HMOX1: variants seen among roughly 807,000 people sequenced by gnomAD.
The protein encoded by HMOX1 is heat shock protein, 32-kD.
In HMOX1, 22 loss-of-function variants were observed where a neutral mutation model predicts 27.8. The observed-to-expected ratio is 0.79, with a 90% confidence interval of 0.57 to 1.13. The LOEUF is 1.13. HMOX1 is among the 50% of genes most tolerant of loss of function. The pLI is 0.00. For missense variants in HMOX1, 379 were observed against 377.7 expected (o/e 1.00, Z -0.03); for synonymous variants, 153 against 151.6 (o/e 1.01, Z -0.07).
chr22:35,389,938 C>G lies in HMOX1; in HGVS notation c.711C>G (p.Arg237=), dbSNP rs768805052. ...DQSPSRAPGL[R]QRASNKVQDS... ...GCCCCTCACGGGCACCAGGGCTTCG[C>G]CAGCGGGCCAGCAACAAAGTGCAAG... Residue 237 remains arginine (R), a synonymous_variant, in exon 4 of 5, where the codon CGC becomes CGG. Coordinates refer to ENST00000216117, the MANE Select transcript of HMOX1 (RefSeq NM_002133.3). The G allele has an allele frequency of 4.4e-5, 71 of 1,611,370 alleles. No individual in the cohort carries two copies. The highest frequency in any genetic ancestry group is 6.0e-5 in the Non-Finnish European group (71 of 1,179,582).
intron 3 of HMOX1, among the ~76,000 whole-genome samples, chr22:35,389,395 C>CTTTCTTTCTTTCTTT (rs1555901605): frequency 6.2e-4 from 32 of 51,804 alleles, no homozygotes; most frequent in East Asian, 2.8e-3. Context: ...TTCCTTCCTT[C>CTTTCTTTCTTTCTTT]CTTTCTTTCT....
rs769661460 is a variant in HMOX1 at position 35,381,167 on chromosome 22, C to T, written c.-7C>T. On this transcript the variant is annotated 5_prime_UTR_variant, in exon 1 of 5. Transcript: ENST00000216117. ...GAGCCAGCACGAACGAGCCCAGCAC[C>T]GGCCGGATGGAGCGTCCGCAACCCG... The T allele has an allele frequency of 3.2e-5, 49 of 1,542,704 alleles. No homozygotes were observed. In the South Asian group the frequency reaches 5.2e-4, roughly 16 times the overall value.
rs1278870084 is a variant in HMOX1, at chr22:35,393,926, G to A, written c.*328G>A. The A allele has an allele frequency of 2.7e-6, 1 of 375,536 alleles. No individual in the cohort carries two copies. The highest frequency in any genetic ancestry group is 5.1e-6 in the Non-Finnish European group (1 of 194,246). The allele number at this position is 375,536 out of a possible 1,614,324, so 23.3% of individuals were successfully genotyped here. A position where few individuals can be genotyped will look rare whatever the true frequency, so the allele number is the denominator to read the frequency against. On this transcript the variant is annotated 3_prime_UTR_variant, in exon 5 of 5. Coordinates refer to ENST00000216117, the MANE Select transcript of HMOX1 (RefSeq NM_002133.3). ...AACCTCCAAAAGCCCTGAGTTTCAAGTATCCTTGTTGACACGGCCATGACC... is the reference window on the plus strand; with the variant it reads ...AACCTCCAAAAGCCCTGAGTTTCAAATATCCTTGTTGACACGGCCATGACC...
chr22:35,392,717 CTTTTTTTT>C (rs753975375), intron 4 of HMOX1, among the ~76,000 whole-genome samples: 41 of 136,306 alleles, frequency 3.0e-4, no homozygotes, highest in African/African-American at 1.0e-3. Context: ...TGTTTTAAAT[CTTTTTTTT>C]TTTTTTTTTT....
chr22:35,392,903 A>T (rs1931757409), intron 4 of HMOX1, among the ~76,000 whole-genome samples: 1 of 151,962 alleles, frequency 6.6e-6, no homozygotes, highest in Non-Finnish European at 1.5e-5. Context: ...TTTTTAGTAG[A>T]GACGGGGTTT....
chr22:35,388,080 A>G (rs895961725), intron 3 of HMOX1, among the ~76,000 whole-genome samples: 7 of 152,120 alleles, frequency 4.6e-5, no homozygotes, highest in African/African-American at 1.7e-4. Context: ...CCTGAGCAAC[A>G]TGGTGAGACC....
In HMOX1 at chr22:35,387,094, G is replaced by T. The variant is rs867650379; in HGVS notation, c.554G>T (p.Arg185Leu). 1.2e-6 allele frequency: 2 copies of T among 1,613,632 alleles called. No individual in the cohort carries two copies. Among genetic ancestry groups the T allele is most frequent in the South Asian group, 1.1e-5 (1 of 91,090 alleles). The change falls in exon 3 of 5, where the codon CGC (arginine) becomes CTC (leucine). Residue 185 changes from arginine to leucine, a missense_variant. By Grantham distance (102) the Arg-to-Leu change is moderately radical (BLOSUM62 -2). Coordinates refer to ENST00000216117, the MANE Select transcript of HMOX1 (RefSeq NM_002133.3). ...ATKFKQLYRS[R>L]MNSLEMTPAV... ...AAGTTCAAGCAGCTCTACCGCTCCCGCATGAACTCCCTGGAGATGACTCCC... is the reference window on the plus strand; with the variant it reads ...AAGTTCAAGCAGCTCTACCGCTCCCTCATGAACTCCCTGGAGATGACTCCC...
intron 3 of HMOX1, among the ~76,000 whole-genome samples, chr22:35,389,195 T>TTC (rs1199524801): frequency 2.4e-5 from 3 of 125,176 alleles, no homozygotes; most frequent in African/African-American, 7.5e-5. Context: ...TGAATTTTCT[T>TTC]TCTTTCTTTC....
Position 35,389,229 on chromosome 22 carries a change from C to CTTTCTTTCTTTCTTTCTTTCTT in HMOX1, c.637-624_637-623insCTTTCTTTCTTTTTCTTTCTTT, listed in dbSNP as rs1555901538. Among the ~76,000 whole-genome samples, 37 of 117,008 alleles carry CTTTCTTTCTTTCTTTCTTTCTT rather than the reference C, an allele frequency of 3.2e-4. 3 individuals carry two copies. The highest frequency in any genetic ancestry group is 1.7e-3 in the African/African-American group (32 of 19,066). 76.8% of individuals were successfully genotyped at this position (117,008 alleles called of 152,430 possible). A position where few individuals can be genotyped will look rare whatever the true frequency, so the allele number is the denominator to read the frequency against. ...TCTTTCTTTCTCTCTTTCTTTCTTT[C>CTTTCTTTCTTTCTTTCTTTCTT]TTTCTTTCTTTTTCTTTCTTTTCTC... is the stretch of plus-strand genomic sequence containing the variant. On this transcript the variant is annotated intron_variant, in intron 3 of 4. Coordinates refer to ENST00000216117, the MANE Select transcript of HMOX1 (RefSeq NM_002133.3).
At chr22:35,383,335 G>A in intron 2 of HMOX1, 109 bp downstream of exon 2, 1 of 1,227,084 alleles carries the variant, frequency 8.1e-7, no homozygotes, top group Non-Finnish European at 1.2e-6. Context: ...AGATGGGCAT[G>A]TCCAATAGAA....
chr22:35,384,641 T>A (rs1931463736), intron 2 of HMOX1, among the ~76,000 whole-genome samples: 1 of 151,804 alleles, frequency 6.6e-6, no homozygotes, highest in Non-Finnish European at 1.5e-5. Flanking sequence ...GAGAATCCAG[T>A]GCTCACTTAC....
intron 2 of HMOX1, among the ~76,000 whole-genome samples, chr22:35,385,792 T>C (rs1257023410): frequency 2.7e-5 from 4 of 150,368 alleles, no homozygotes; most frequent in Non-Finnish European, 5.9e-5. Context: ...ATTTTTGTGT[T>C]TTTAGTAGAG....
intron 4 of HMOX1, among the ~76,000 whole-genome samples, chr22:35,391,540 G>T (rs1395738229): frequency 2.0e-5 from 3 of 148,678 alleles, no homozygotes; most frequent in Admixed American, 6.7e-5. Flanking sequence ...GCCCGCCTCG[G>T]CCTCCCAAAG....
In HMOX1 at chr22:35,388,729, G is replaced by A. The variant is rs563616412; in HGVS notation, c.637-1135G>A. ...GGAGAATGGCGTGAACCCGGGAGGC[G>A]GAGCTTGCAGTGAGCAGAGATCGCG... On this transcript the variant is annotated intron_variant, in intron 3 of 4. Transcript: ENST00000216117. 1.8e-3 allele frequency among the ~76,000 whole-genome samples: 278 copies of A among 151,714 alleles called. 3 individuals carry two copies. Among genetic ancestry groups the A allele is most frequent in the Non-Finnish European group, 3.5e-3 (235 of 67,932 alleles).
chr22:35,385,142 T>C (rs1326027783), intron 2 of HMOX1, among the ~76,000 whole-genome samples: 1 of 152,150 alleles, frequency 6.6e-6, no homozygotes, highest in Non-Finnish European at 1.5e-5. Flanking sequence ...TCAAGACCTG[T>C]TGCCTCAGCC....
intron 4 of HMOX1, among the ~76,000 whole-genome samples, chr22:35,390,883 G>C (rs983316626): frequency 1.3e-5 from 2 of 152,088 alleles, no homozygotes; most frequent in Non-Finnish European, 2.9e-5. Context: ...AACGATCAAG[G>C]CTGGCTGTAC....
At chr22:35,382,981 T>G in intron 1 of HMOX1, 125 bp from the exon 2 acceptor site, 11 of 1,352,254 alleles carry the variant, frequency 8.1e-6, no homozygotes, top group Non-Finnish European at 1.1e-5. Context: ...TTAAAGCGAT[T>G]GAGAACGTGG....
At chr22:35,391,795 A>G (rs1931732445) in intron 4 of HMOX1, among the ~76,000 whole-genome samples, 1 of 151,568 alleles carries the variant, frequency 6.6e-6, no homozygotes, top group African/African-American at 2.4e-5. Flanking sequence ...AAAGCCAAAA[A>G]TAAATGAGAA....
At chr22:35,391,586 C>CAATTT (rs1931723549) in intron 4 of HMOX1, among the ~76,000 whole-genome samples, 1 of 89,008 alleles carries the variant, frequency 1.1e-5, no homozygotes, top group African/African-American at 5.6e-5. Flanking sequence ...CGCGCCCGGC[C>CAATTT]TTTTTTTTTT....
Sources: allele counts gnomAD v4.1 joint callset (sites outside exome capture counted in the v4.1 genomes callset), GRCh38; gene constraint gnomAD v4.1.1; transcripts MANE v1.5; gene names NCBI Gene and HGNC (gene_info 2026-07-23, HGNC 2026-07-21).